The following OC90 variants were observed in gnomAD, a reference collection of about 807,000 sequenced individuals.
OC90 encodes otoconin-90.
OC90 carries 46 observed loss-of-function variants against 47.3 expected under a neutral mutation model. That is an observed-to-expected ratio of 0.97 (90% CI 0.77 to 1.24). The LOEUF is 1.24. Ranked by LOEUF, OC90 falls within the 50% of genes most tolerant of loss-of-function variation. The pLI is 0.00. For synonymous variants in OC90, 271 were observed against 219.5 expected (o/e 1.23, Z -2.07); for missense variants, 688 against 583.9 (o/e 1.18, Z -1.84).
At chr8:132,049,033 G>A (rs1164515368) in intron 2 of OC90, among the ~76,000 whole-genome samples, 1 of 151,570 alleles carries the variant, frequency 6.6e-6, no homozygotes, top group East Asian at 1.9e-4. Flanking sequence ...TAATTCCATG[G>A]TGAAACAATG....
intron 1 of OC90, among the ~76,000 whole-genome samples, chr8:132,057,516 G>A (rs895729632): frequency 9.9e-5 from 15 of 152,282 alleles, no homozygotes; most frequent in Middle Eastern, 3.4e-3. Flanking sequence ...GGTGTTCTTC[G>A]ATAATGGGGA....
chr8:132,059,162 CCCAA>C (rs771201535), intron 1 of OC90, among the ~76,000 whole-genome samples, 175 bp downstream of exon 1: 4 of 150,804 alleles, frequency 2.7e-5, no homozygotes, highest in African/African-American at 7.3e-5. Flanking sequence ...CTTTCCATCT[CCCAA>C]CCATTTCCCT....
intron 9 of OC90, chr8:132,036,281 G>C (rs1487803754): frequency 1.3e-6 from 1 of 764,080 alleles, no homozygotes; most frequent in Admixed American, 1.8e-5. Flanking sequence ...ATTAAGAAGT[G>C]GTCACAGGAC....
Position 132,038,791 on chromosome 8 carries a change from T to C in OC90, c.627A>G (p.Arg209=). Residue 209 remains arginine (R), a splice_region_variant and synonymous_variant, in exon 8 of 14, where the codon AGA becomes AGG. Transcript: ENST00000254627. The stretch of plus-strand genomic sequence containing the variant: ...GCCACCAACCCTGGGAGGCCTTACC[T>C]CTGGGCAGAAGTGTTGTCAAGTCTT... ...IKEDLTTLLP[R]VVPVEPTDTS... is the part of the protein sequence containing the mutation. 1.2e-6 allele frequency: 2 copies of C among 1,613,632 alleles called. No homozygotes were observed. Among genetic ancestry groups the C allele is most frequent in the Non-Finnish European group, 1.7e-6 (2 of 1,179,706 alleles).
chr8:132,048,075 G>A (rs1189075604), intron 2 of OC90, among the ~76,000 whole-genome samples: 1 of 152,158 alleles, frequency 6.6e-6, no homozygotes, highest in African/African-American at 2.4e-5. Flanking sequence ...AAGATAAAAC[G>A]AGAAGGCCCT....
At position 132,024,505 on chromosome 8, in the gene OC90, C is replaced by A; in HGVS notation, c.1410G>T (p.Gly470=). ...TCTATCTTCCATGAAGAGGCCCGAT[C>A]CCCAAGGGACCCAGTGACTTCCGCA... ...RFLRKSLGPL[G]IGPLHGR is the part of the protein sequence containing the mutation. The change falls in exon 14 of 14, where the codon GGG becomes GGT. Residue 470 remains glycine, a synonymous_variant. Transcript: ENST00000254627. 6.4e-7 allele frequency: 1 copy of A among 1,569,976 alleles called. No homozygotes were observed. Among genetic ancestry groups the A allele is most frequent in the Non-Finnish European group, 8.7e-7 (1 of 1,155,960 alleles).
At position 132,042,788 on chromosome 8, in the gene OC90, A is replaced by G. The variant is rs1041457715; in HGVS notation, c.170-1089T>C. ...AACAACAGATGGCGAGGCTGCAAAGAAAAGGGATTGCTTAGACACTGGCTG... is the reference window on the plus strand; with the variant it reads ...AACAACAGATGGCGAGGCTGCAAAGGAAAGGGATTGCTTAGACACTGGCTG... On this transcript the variant is annotated intron_variant, in intron 4 of 13. Coordinates refer to ENST00000254627, the MANE Select transcript of OC90 (RefSeq NM_001080399.3). 7.9e-5 allele frequency among the ~76,000 whole-genome samples: 12 copies of G among 152,348 alleles called. No homozygotes were observed. In the East Asian group the frequency reaches 2.1e-3, roughly 27 times the overall value.
chr8:132,038,432 G>A (rs536723435), intron 8 of OC90, among the ~76,000 whole-genome samples: 23 of 152,174 alleles, frequency 1.5e-4, no homozygotes, highest in East Asian at 9.7e-4. Flanking sequence ...TTAGTTAGGA[G>A]AGACTTCACT....
chr8:132,049,475 C>T (rs1823184055), intron 2 of OC90, among the ~76,000 whole-genome samples: 1 of 152,142 alleles, frequency 6.6e-6, no homozygotes. Context: ...GGCTCCAGGT[C>T]AGGGTGTATG....
At chr8:132,053,193 G>A (rs1397985367) in intron 2 of OC90, among the ~76,000 whole-genome samples, 1 of 152,112 alleles carries the variant, frequency 6.6e-6, no homozygotes, top group Non-Finnish European at 1.5e-5. Flanking sequence ...CAGGGATGCT[G>A]CCCCTGTGCT....
chr8:132,029,507 T>C (rs1344304040), intron 12 of OC90, among the ~76,000 whole-genome samples: 1 of 152,200 alleles, frequency 6.6e-6, no homozygotes, highest in African/African-American at 2.4e-5. Flanking sequence ...TTCTAACAGA[T>C]GGAAATAGAG....
chr8:132,024,833 G>T (rs1172424261), intron 13 of OC90, 57 bp from the exon 14 acceptor site: 1 of 1,477,892 alleles, frequency 6.8e-7, no homozygotes, highest in Non-Finnish European at 9.2e-7. Context: ...GCACTGGGAG[G>T]CCCCACGGCC....
chr8:132,027,022 G>C (rs1822769392), intron 13 of OC90, among the ~76,000 whole-genome samples: 1 of 152,002 alleles, frequency 6.6e-6, no homozygotes, highest in African/African-American at 2.4e-5. Flanking sequence ...CCTTTGCTTG[G>C]AATATCCATG....
At chr8:132,047,174 G>A (rs562958695) in intron 2 of OC90, among the ~76,000 whole-genome samples, 13 of 152,302 alleles carry the variant, frequency 8.5e-5, no homozygotes, top group African/African-American at 3.1e-4. Flanking sequence ...CACCACTGGT[G>A]AGAGGAATAA....
chr8:132,044,774 T>C (rs1823108516), intron 3 of OC90, among the ~76,000 whole-genome samples: 2 of 152,208 alleles, frequency 1.3e-5, no homozygotes, highest in Admixed American at 1.3e-4. Context: ...AAATACCTGG[T>C]AGGAAATCAT....
In OC90 at chr8:132,038,789, C is replaced by T. The variant is rs755441026; in HGVS notation, c.628+1G>A. ...GAGCCACCAACCCTGGGAGGCCTTA[C>T]CTCTGGGCAGAAGTGTTGTCAAGTC... On this transcript the variant is annotated splice_donor_variant, in intron 8 of 13. Coordinates refer to ENST00000254627, the MANE Select transcript of OC90 (RefSeq NM_001080399.3). LOFTEE classifies it high-confidence loss of function. The T allele has an allele frequency of 5.0e-6, 8 of 1,613,552 alleles. No homozygotes were observed. The highest frequency in any genetic ancestry group is 6.8e-6 in the Non-Finnish European group (8 of 1,179,648).
At chr8:132,029,015 C>T (rs1417135479) in intron 13 of OC90, 58 bp downstream of exon 13, 1 of 1,164,966 alleles carries the variant, frequency 8.6e-7, no homozygotes. Context: ...GTCTGAGCTA[C>T]AGTCACGATG....
At chr8:132,028,483 C>T (rs796267134) in intron 13 of OC90, among the ~76,000 whole-genome samples, 127 of 147,334 alleles carry the variant, frequency 8.6e-4, no homozygotes, top group African/African-American at 3.0e-3. Flanking sequence ...GCCTGGTGGC[C>T]GAGTGAAACA....
intron 12 of OC90, 53 bp downstream of exon 12, chr8:132,031,828 G>A (rs1822879125): frequency 6.5e-7 from 1 of 1,529,466 alleles, no homozygotes; most frequent in Non-Finnish European, 9.0e-7. Context: ...ACCCTCTGGT[G>A]CAGACAGCAT....
Sources: allele counts gnomAD v4.1 joint callset (sites outside exome capture counted in the v4.1 genomes callset), GRCh38; gene constraint gnomAD v4.1.1; transcripts MANE v1.5; gene names NCBI Gene and HGNC (gene_info 2026-07-23, HGNC 2026-07-21).